The following SPEF2 variants were observed in gnomAD, a reference collection of about 807,000 sequenced individuals.
SPEF2 encodes the protein sperm flagellar and cilia associated 2.
In SPEF2, 187 loss-of-function variants were observed where a neutral mutation model predicts 224.6. The ratio of observed to expected loss-of-function variants is 0.83; its 90% CI spans 0.74 to 0.94. The LOEUF is 0.94. Among genes scored for constraint, SPEF2 ranks in the 40% least tolerant of loss-of-function variants. SPEF2 has a pLI of 0.00. For missense variants in SPEF2, 2,170 were observed against 2,135.6 expected, an observed-to-expected ratio of 1.02 and a Z score of -0.32; for synonymous variants, 715 against 707.3, an observed-to-expected ratio of 1.01 and a Z score of -0.17.
intron 28 of SPEF2, among the ~76,000 whole-genome samples, chr5:35,775,841 A>T (rs1452432050): frequency 3.3e-5 from 5 of 152,164 alleles, no homozygotes; most frequent in Non-Finnish European, 7.3e-5. Flanking sequence ...AGGATCGGTA[A>T]TAGGCCCAGG....
intron 13 of SPEF2, among the ~76,000 whole-genome samples, chr5:35,694,917 C>T (rs969211725): frequency 6.6e-6 from 1 of 152,148 alleles, no homozygotes; most frequent in African/African-American, 2.4e-5. Flanking sequence ...TTTGTAGAAC[C>T]ATTGAAGGAA....
At chr5:35,681,931 C>T (rs866859296) in intron 10 of SPEF2, among the ~76,000 whole-genome samples, 4 of 152,094 alleles carry the variant, frequency 2.6e-5, no homozygotes, top group African/African-American at 7.2e-5. Flanking sequence ...ACTTCCTGGA[C>T]GTCTTGAATA....
chr5:35,756,831 G>A (rs1191270437), intron 24 of SPEF2, among the ~76,000 whole-genome samples: 6 of 152,112 alleles, frequency 3.9e-5, no homozygotes, highest in Non-Finnish European at 8.8e-5. Context: ...TAGACATCGA[G>A]ATGCCCTGCA....
At chr5:35,631,173 C>T (rs1338684788) in intron 2 of SPEF2, among the ~76,000 whole-genome samples, 2 of 152,134 alleles carry the variant, frequency 1.3e-5, no homozygotes, top group Non-Finnish European at 2.9e-5. Context: ...TTGATGGTAG[C>T]AGGCAAAGAG....
Position 35,692,675 on chromosome 5 carries a change from A to G in SPEF2, c.1850A>G (p.Asp617Gly). The G allele has an allele frequency of 6.2e-7, 1 of 1,613,844 alleles. No individual in the cohort carries two copies. The highest frequency in any genetic ancestry group is 8.5e-7 in the Non-Finnish European group (1 of 1,179,866). The stretch of plus-strand genomic sequence containing the variant: ...GAGGTTCTACCAATTCAGAAAAATG[A>G]TGAAGAAGATGCTCTACCAGTTCTG... ...VSEVLPIQKN[D>G]EEDALPVLQE... The change falls in exon 12 of 37, where the codon GAT (aspartate) becomes GGT (glycine). Residue 617 changes from aspartate (D) to glycine (G), a missense_variant. Asp to Gly is a moderately conservative substitution (Grantham distance 94). Coordinates refer to ENST00000356031, the MANE Select transcript of SPEF2 (RefSeq NM_024867.4).
In SPEF2 at chr5:35,779,295, A is replaced by G. The variant is rs200162506; in HGVS notation, c.4396A>G (p.Ile1466Val). 9.0e-5 allele frequency: 146 copies of G among 1,613,724 alleles called. No homozygotes were observed. Among genetic ancestry groups the G allele is most frequent in the Non-Finnish European group, 1.2e-4 (140 of 1,179,852 alleles). The change falls in exon 30 of 37, where the codon ATT becomes GTT. Residue 1466 changes from isoleucine (I) to valine (V), a missense_variant. Physicochemically the swap from Ile to Val is conservative, Grantham distance 29. Coordinates refer to ENST00000356031, the MANE Select transcript of SPEF2 (RefSeq NM_024867.4). ...AAAGGAAGAAGATGGTACCCTGACC[A>G]TTGAACAGCTTGACAGTCTTCGAGA... ...VEKEEDGTLT[I>V]EQLDSLRDQF... is the part of the protein sequence containing the mutation.
Position 35,709,101 on chromosome 5 carries a change from C to A in SPEF2, c.2819C>A (p.Ala940Glu). Reference protein sequence around the residue: ...QSHVASKTPTAKGKPQSEAPH... With the variant: ...QSHVASKTPTEKGKPQSEAPH... ...CATGTGGCTTCAAAAACTCCTACTGCAAAAGGAAAACCTCAATCAGGTGAT... is the reference window on the plus strand; with the variant it reads ...CATGTGGCTTCAAAAACTCCTACTGAAAAAGGAAAACCTCAATCAGGTGAT... Residue 940 changes from alanine (A) to glutamate (E), a missense_variant, in exon 19 of 37, where the codon GCA (alanine) becomes GAA (glutamate). Transcript: ENST00000356031. 1 of 1,612,212 alleles carries A rather than the reference C, an allele frequency of 6.2e-7. No homozygotes were observed.
chr5:35,628,651 G>T, intron 2 of SPEF2, 89 bp downstream of exon 2: 11 of 872,672 alleles, frequency 1.3e-5, no homozygotes, highest in Non-Finnish European at 2.0e-5. Flanking sequence ...GAGTGCAGTA[G>T]CGTGATCATA....
intron 10 of SPEF2, among the ~76,000 whole-genome samples, chr5:35,679,452 C>T (rs1256318343): frequency 6.6e-6 from 1 of 152,122 alleles, no homozygotes; most frequent in Non-Finnish European, 1.5e-5. Flanking sequence ...AGAACTGCAA[C>T]AGAACAGGAC....
chr5:35,798,602 A>G (rs556041441), intron 33 of SPEF2, among the ~76,000 whole-genome samples: 5 of 151,522 alleles, frequency 3.3e-5, no homozygotes, highest in Non-Finnish European at 7.4e-5. Flanking sequence ...TAGTTTACCT[A>G]TTTTATTTAT....
chr5:35,705,858 T>G (rs1371447673), intron 18 of SPEF2, 50 bp downstream of exon 18: 3 of 1,199,980 alleles, frequency 2.5e-6, no homozygotes, highest in Non-Finnish European at 3.4e-6. Flanking sequence ...AAATGTGTGG[T>G]TTTTAATGAG....
Position 35,773,948 on chromosome 5 carries a change from T to A in SPEF2, c.4005T>A (p.Ile1335=). 6.2e-7 allele frequency: 1 copy of A among 1,613,298 alleles called. No homozygotes were observed. Among genetic ancestry groups the A allele is most frequent in the African/African-American group, 1.3e-5 (1 of 74,976 alleles). The change falls in exon 28 of 37, where the codon ATT becomes ATA. Residue 1335 remains isoleucine, a synonymous_variant. Coordinates refer to ENST00000356031, the MANE Select transcript of SPEF2 (RefSeq NM_024867.4). ...ATPVIVTTEE[I]AEIKRKNELR... is the part of the protein sequence containing the mutation. ...CTGTCATAGTAACAACAGAGGAAAT[T>A]GCTGAAATCAAAAGGAAAAATGAAC...
intron 21 of SPEF2, among the ~76,000 whole-genome samples, chr5:35,731,712 C>T (rs996220317): frequency 2.0e-5 from 3 of 152,178 alleles, no homozygotes; most frequent in Non-Finnish European, 2.9e-5. Flanking sequence ...AAGTGAGGGT[C>T]TCTGAAACTT....
At chr5:35,640,771 A>C (rs1482183315) in intron 2 of SPEF2, among the ~76,000 whole-genome samples, 1 of 152,190 alleles carries the variant, frequency 6.6e-6, no homozygotes, top group Non-Finnish European at 1.5e-5. Context: ...ACACAGAGGA[A>C]ACAGGACAGT....
intron 20 of SPEF2, among the ~76,000 whole-genome samples, chr5:35,715,203 C>T (rs1742300463): frequency 1.3e-5 from 2 of 152,126 alleles, no homozygotes; most frequent in South Asian, 4.1e-4. Flanking sequence ...AGGCCTGAGC[C>T]ATCACCCCTG....
Position 35,811,749 on chromosome 5 carries a change from T to G in SPEF2, c.5380-2715T>G, listed in dbSNP as rs539203290. ...TACTATTAGGTTCGTGCAAAAGTAG[T>G]TGCAGTTTTTGCCATTACTTTTTTT... is the stretch of plus-strand genomic sequence containing the variant. On this transcript the variant is annotated intron_variant, in intron 36 of 36. Coordinates refer to ENST00000356031, the MANE Select transcript of SPEF2 (RefSeq NM_024867.4). Among the ~76,000 whole-genome samples, 117 of 151,178 alleles carry G rather than the reference T, an allele frequency of 7.7e-4. 2 individuals carry two copies. The highest frequency in any genetic ancestry group is 2.8e-3 in the African/African-American group (115 of 40,956).
chr5:35,788,063 A>C, intron 30 of SPEF2: 1 of 702,990 alleles, frequency 1.4e-6, no homozygotes, highest in Non-Finnish European at 2.6e-6. Context: ...GTCAGGGGGA[A>C]GTCAAGTGAA....
chr5:35,774,702 C>CA (rs1467036979), intron 28 of SPEF2, among the ~76,000 whole-genome samples: 1 of 152,170 alleles, frequency 6.6e-6, no homozygotes, highest in Non-Finnish European at 1.5e-5. Context: ...GACAAAACCA[C>CA]AAAAATGTGG....
intron 10 of SPEF2, among the ~76,000 whole-genome samples, chr5:35,673,831 T>A (rs925182611): frequency 3.9e-5 from 6 of 152,240 alleles, no homozygotes; most frequent in African/African-American, 1.4e-4. Context: ...TGGTTGTATA[T>A]GTTATGGTTT....
Sources: gnomAD v4.1 joint callset for allele counts (sites outside exome capture counted in the v4.1 genomes callset) on GRCh38, gnomAD v4.1.1 for gene constraint, MANE v1.5 for transcripts, NCBI Gene and HGNC (gene_info 2026-07-23, HGNC 2026-07-21) for gene names.